WDPCP: variants seen among roughly 807,000 people sequenced by gnomAD.
WDPCP encodes WD repeat-containing and planar cell polarity effector protein fritz homolog.
A neutral mutation model predicts 93.1 loss-of-function variants in WDPCP; 71 were observed. The ratio of observed to expected loss-of-function variants is 0.76; its 90% CI spans 0.63 to 0.93. WDPCP has a LOEUF of 0.93. WDPCP is among the 40% of genes least tolerant of loss of function. The pLI is 0.00. For synonymous variants in WDPCP, 315 were observed against 315.0 expected (o/e 1.00, Z 0.00); for missense variants, 844 against 887.4 (o/e 0.95, Z 0.62).
intron 13 of WDPCP, among the ~76,000 whole-genome samples, chr2:63,291,337 G>A (rs11125957): frequency 0.81 from 123,285 of 152,182 alleles, 50,734 homozygotes; most frequent in East Asian, 0.96. Flanking sequence ...GGCTAATACA[G>A]TTTCTTATAG....
intron 2 of WDPCP, among the ~76,000 whole-genome samples, chr2:63,762,642 A>G (rs1332977355): frequency 6.6e-6 from 1 of 152,194 alleles, no homozygotes; most frequent in African/African-American, 2.4e-5. Flanking sequence ...GTCCCGAAGG[A>G]GGTTATCACC....
At chr2:63,386,024 T>C (rs954529245) in intron 10 of WDPCP, among the ~76,000 whole-genome samples, 7 of 152,006 alleles carry the variant, frequency 4.6e-5, no homozygotes, top group Non-Finnish European at 2.9e-5. Context: ...ATATTTATAT[T>C]AAAAATTAAT....
chr2:63,650,169 G>T (rs1475022582), intron 3 of WDPCP, among the ~76,000 whole-genome samples: 1 of 152,206 alleles, frequency 6.6e-6, no homozygotes, highest in East Asian at 1.9e-4. Context: ...AGTTTCCCAA[G>T]ATTTGTTCAG....
intron 17 of WDPCP, among the ~76,000 whole-genome samples, chr2:63,146,235 A>G (rs1391683330): frequency 3.9e-5 from 6 of 152,086 alleles, no homozygotes; most frequent in Non-Finnish European, 8.8e-5. Flanking sequence ...ATAACTTCCA[A>G]TACTCTGTTG....
At chr2:63,182,626 G>T (rs900323676) in intron 14 of WDPCP, among the ~76,000 whole-genome samples, 1 of 151,872 alleles carries the variant, frequency 6.6e-6, no homozygotes, top group East Asian at 1.9e-4. Context: ...GTGCTAGTCC[G>T]GCTTTAGTAT....
intron 6 of WDPCP, chr2:63,442,405 C>T (rs1022465072): frequency 1.3e-5 from 2 of 152,134 alleles, no homozygotes; most frequent in Non-Finnish European, 2.9e-5. Flanking sequence ...GGATGCTGTC[C>T]ATAGTCTCCA....
At chr2:63,418,630 G>A (rs1695606724) in intron 9 of WDPCP, among the ~76,000 whole-genome samples, 1 of 152,098 alleles carries the variant, frequency 6.6e-6, no homozygotes, top group African/African-American at 2.4e-5. Context: ...TCAGGAACTG[G>A]TCATTAGAAT....
chr2:63,420,773 T>G (rs1460965526), intron 9 of WDPCP, among the ~76,000 whole-genome samples: 1 of 152,224 alleles, frequency 6.6e-6, no homozygotes, highest in African/African-American at 2.4e-5. Context: ...CTCAACTTAT[T>G]CTTTTCAGAT....
intron 1 of WDPCP, among the ~76,000 whole-genome samples, chr2:63,537,231 C>A (rs1173782676): frequency 1.3e-5 from 2 of 152,318 alleles, no homozygotes; most frequent in Non-Finnish European, 2.9e-5. Context: ...AATCAACTCT[C>A]TTGCTGTTAC....
intron 2 of WDPCP, among the ~76,000 whole-genome samples, chr2:63,754,323 G>A (rs927815749): frequency 1.6e-4 from 25 of 152,190 alleles, no homozygotes; most frequent in African/African-American, 5.8e-4. Flanking sequence ...TCTGAACAGG[G>A]CACCACAGTA....
chr2:63,549,102 A>C (rs1302753586), intron 1 of WDPCP, among the ~76,000 whole-genome samples: 1 of 151,986 alleles, frequency 6.6e-6, no homozygotes, highest in African/African-American at 2.4e-5. Context: ...TATAAAAATC[A>C]GCTGGGCATG....
chr2:63,680,656 G>T (rs1408241990), intron 2 of WDPCP, among the ~76,000 whole-genome samples: 5 of 152,158 alleles, frequency 3.3e-5, no homozygotes, highest in African/African-American at 1.2e-4. Context: ...GCTGTTCTGG[G>T]CTTGGAGCCA....
chr2:63,241,769 T>C (rs1679875913), intron 14 of WDPCP, among the ~76,000 whole-genome samples: 1 of 152,062 alleles, frequency 6.6e-6, no homozygotes. Context: ...GCTAAATTTT[T>C]AATTTTTGTA....
chr2:63,651,454 A>AACACAC (rs140128523), intron 2 of WDPCP, among the ~76,000 whole-genome samples: 38,437 of 147,288 alleles, frequency 0.26, 5,281 homozygotes, highest in Non-Finnish European at 0.29. Context: ...ATGTGTGTAC[A>AACACAC]ACACACACAC....
chr2:63,496,269 G>C (rs1233947341), intron 1 of WDPCP, among the ~76,000 whole-genome samples: 1 of 152,124 alleles, frequency 6.6e-6, no homozygotes, highest in Non-Finnish European at 1.5e-5. Flanking sequence ...TTGAAATTCT[G>C]TATTTCAGTT....
intron 1 of WDPCP, among the ~76,000 whole-genome samples, chr2:63,813,865 T>G (rs1670893022): frequency 6.6e-6 from 1 of 152,220 alleles, no homozygotes; most frequent in African/African-American, 2.4e-5. Context: ...AATATTAATA[T>G]GTTTGATAAT....
intron 2 of WDPCP, among the ~76,000 whole-genome samples, chr2:63,667,076 G>C (rs1362795566): frequency 6.6e-6 from 1 of 152,156 alleles, no homozygotes; most frequent in Non-Finnish European, 1.5e-5. Context: ...TTGTAGTGAC[G>C]ATTTCAGGGG....
At chr2:63,335,869 G>T (rs1280428987) in intron 12 of WDPCP, among the ~76,000 whole-genome samples, 2 of 152,158 alleles carry the variant, frequency 1.3e-5, no homozygotes, top group African/African-American at 2.4e-5. Flanking sequence ...GATAAAACAG[G>T]TTGCAGTAAA....
At chr2:63,794,897 AAT>A (rs1472761996) in intron 2 of WDPCP, among the ~76,000 whole-genome samples, 1 of 152,194 alleles carries the variant, frequency 6.6e-6, no homozygotes, top group Non-Finnish European at 1.5e-5. Flanking sequence ...TTTTCTACCC[AAT>A]ATTTATTCAT....
Sources: gnomAD v4.1 joint callset for allele counts (sites outside exome capture counted in the v4.1 genomes callset) on GRCh38, gnomAD v4.1.1 for gene constraint, MANE v1.5 for transcripts, NCBI Gene and HGNC (gene_info 2026-07-23, HGNC 2026-07-21) for gene names.